The following CACNA2D3 variants were observed in gnomAD, a reference collection of about 807,000 sequenced individuals.
The protein encoded by CACNA2D3 is voltage-dependent calcium channel subunit alpha-2/delta-3.
Under a neutral mutation model 160.6 loss-of-function variants are expected in CACNA2D3, and 60 were observed. The observed-to-expected ratio is 0.37, with a 90% CI of 0.30 to 0.46. CACNA2D3 has a LOEUF of 0.46. Ranked by LOEUF, CACNA2D3 falls within the 20% of genes least tolerant of loss-of-function variation. CACNA2D3 has a pLI of 1.00. For synonymous variants in CACNA2D3, 558 were observed against 492.9 expected (o/e 1.13, Z -1.75); for missense variants, 1,205 against 1,365.0 (o/e 0.88, Z 1.85).
chr3:54,749,434 G>A (rs1243295851), intron 11 of CACNA2D3, among the ~76,000 whole-genome samples: 3 of 152,096 alleles, frequency 2.0e-5, no homozygotes, highest in African/African-American at 4.8e-5. Context: ...CTGAATTCTA[G>A]GGCTTCCAGA....
At chr3:54,901,250 C>T (rs1471222721) in intron 27 of CACNA2D3, 2 of 152,160 alleles carry the variant, frequency 1.3e-5, no homozygotes, top group South Asian at 2.1e-4. Flanking sequence ...ATGGTCTGGC[C>T]AGAATATCTG....
At chr3:54,816,582 G>A (rs1703462739) in intron 13 of CACNA2D3, among the ~76,000 whole-genome samples, 1 of 152,166 alleles carries the variant, frequency 6.6e-6, no homozygotes, top group Admixed American at 6.5e-5. Context: ...AGCTTTATAG[G>A]AGTTTACCAA....
In CACNA2D3 at chr3:54,141,560, C is replaced by G. The variant is rs142341893; in HGVS notation, c.204+17966C>G. Among the ~76,000 whole-genome samples, 43 of 152,270 alleles carry G rather than the reference C, an allele frequency of 2.8e-4. 1 individual carries two copies. In the East Asian group the frequency reaches 8.1e-3, roughly 29 times the overall value. Reference sequence around the variant, plus strand: ...AGGGGCTGAAGTGTGAAGAAGAGCACTTTGTATTCTTTTTTAAAAAGTCCT... The same window carrying G: ...AGGGGCTGAAGTGTGAAGAAGAGCAGTTTGTATTCTTTTTTAAAAAGTCCT... On this transcript the variant is annotated intron_variant, in intron 2 of 37. Transcript: ENST00000474759.
At chr3:54,525,231 A>G (rs958906955) in intron 5 of CACNA2D3, among the ~76,000 whole-genome samples, 2 of 152,122 alleles carry the variant, frequency 1.3e-5, no homozygotes, top group Admixed American at 6.5e-5. Context: ...AGCCGCATAT[A>G]TCTCTGCACT....
At chr3:54,607,093 A>G (rs1441872224) in intron 9 of CACNA2D3, among the ~76,000 whole-genome samples, 3 of 152,156 alleles carry the variant, frequency 2.0e-5, no homozygotes, top group Admixed American at 2.0e-4. Context: ...CCCAATTTTA[A>G]GGTTTCCATT....
chr3:55,024,920 C>G (rs916874291), intron 35 of CACNA2D3, among the ~76,000 whole-genome samples: 2 of 152,186 alleles, frequency 1.3e-5, no homozygotes, highest in African/African-American at 2.4e-5. Context: ...CAATTCATGA[C>G]TCTATGGTTT....
intron 4 of CACNA2D3, among the ~76,000 whole-genome samples, chr3:54,498,617 G>A (rs1039960536): frequency 6.6e-6 from 1 of 151,532 alleles, no homozygotes; most frequent in Admixed American, 6.6e-5. Context: ...TTAACATTGA[G>A]TTTCATTTAT....
At chr3:54,809,326 T>TCTTCCCCTCCCTCCCTTCCTTTG (rs1559590283) in intron 13 of CACNA2D3, among the ~76,000 whole-genome samples, 4 of 120,096 alleles carry the variant, frequency 3.3e-5, no homozygotes, top group African/African-American at 1.4e-4. Flanking sequence ...TTTTTTTTTT[T>TCTTCCCCTCCCTCCCTTCCTTTG]TTTGAGACGG....
At position 54,711,043 on chromosome 3, in the gene CACNA2D3, CAG is replaced by C. The variant is rs536222882; in HGVS notation, c.1168-41555_1168-41554del. On this transcript the variant is annotated intron_variant, in intron 11 of 37. Transcript: ENST00000474759. ...TGAACTTTTGCCATCAAATAACAAA[CAG>C]GGGAGAGGCTGTTTGATTGGTGAGC... Among the ~76,000 whole-genome samples, 368 of 152,194 alleles carry C rather than the reference CAG, an allele frequency of 2.4e-3. 1 individual carries two copies. The highest frequency in any genetic ancestry group is 8.4e-3 in the African/African-American group (348 of 41,498).
At chr3:54,618,704 C>T (rs1007109523) in intron 9 of CACNA2D3, among the ~76,000 whole-genome samples, 4 of 152,072 alleles carry the variant, frequency 2.6e-5, no homozygotes, top group East Asian at 1.9e-4. Flanking sequence ...TCTTAGCACA[C>T]GCTGCTCCCC....
intron 2 of CACNA2D3, among the ~76,000 whole-genome samples, chr3:54,160,220 C>G (rs1274334843): frequency 6.6e-6 from 1 of 152,196 alleles, no homozygotes; most frequent in Non-Finnish European, 1.5e-5. Context: ...TTGCTGGGGC[C>G]GGGTGCAGTG....
intron 4 of CACNA2D3, among the ~76,000 whole-genome samples, chr3:54,419,372 G>A (rs926978844): frequency 3.9e-5 from 6 of 152,328 alleles, no homozygotes; most frequent in Non-Finnish European, 5.9e-5. Context: ...AGTTTTGGGC[G>A]CTAGGCCAGC....
chr3:54,441,494 T>G (rs528924710), intron 4 of CACNA2D3, among the ~76,000 whole-genome samples: 92 of 152,296 alleles, frequency 6.0e-4, no homozygotes, highest in Non-Finnish European at 1.2e-3. Flanking sequence ...AGTTTAATTA[T>G]ATCCCATTTG....
At chr3:54,722,081 C>G (rs1701179952) in intron 11 of CACNA2D3, among the ~76,000 whole-genome samples, 1 of 152,108 alleles carries the variant, frequency 6.6e-6, no homozygotes, top group East Asian at 1.9e-4. Context: ...TCACATAGTC[C>G]CATATTTCTT....
intron 2 of CACNA2D3, among the ~76,000 whole-genome samples, chr3:54,219,731 C>G: frequency 6.6e-6 from 1 of 152,126 alleles, no homozygotes. Flanking sequence ...GGATCCCTCT[C>G]TGTGTTTTGA....
At chr3:54,996,053 A>G (rs947578850) in intron 31 of CACNA2D3, among the ~76,000 whole-genome samples, 2 of 152,256 alleles carry the variant, frequency 1.3e-5, no homozygotes, top group Admixed American at 6.5e-5. Context: ...GGTTTTATGA[A>G]TAATAATCAT....
chr3:54,274,145 C>T (rs548354990), intron 2 of CACNA2D3, among the ~76,000 whole-genome samples: 110 of 151,738 alleles, frequency 7.2e-4, no homozygotes, highest in African/African-American at 2.5e-3. Context: ...TGCTGTAAAG[C>T]AATATTTACA....
chr3:54,324,132 A>G (rs1704071273), intron 3 of CACNA2D3, among the ~76,000 whole-genome samples: 1 of 152,216 alleles, frequency 6.6e-6, no homozygotes, highest in Admixed American at 6.5e-5. Context: ...GAGTACTACA[A>G]TAACCTCGTC....
At chr3:54,880,742 G>A in intron 20 of CACNA2D3, 54 bp from the exon 21 acceptor site, 1 of 1,390,454 alleles carries the variant, frequency 7.2e-7, no homozygotes, top group Non-Finnish European at 1.0e-6. Flanking sequence ...TAGCCCACAA[G>A]TCTATTCGAG....
Sources: allele counts gnomAD v4.1 joint callset (sites outside exome capture counted in the v4.1 genomes callset), GRCh38; gene constraint gnomAD v4.1.1; transcripts MANE v1.5; gene names NCBI Gene and HGNC (gene_info 2026-07-23, HGNC 2026-07-21).